Variants in ABCB1 observed in about 807,000 individuals in gnomAD.
ABCB1 encodes ATP-dependent translocase ABCB1.
ABCB1 carries 69 observed loss-of-function variants against 142.0 expected under a neutral mutation model. The ratio of observed to expected loss-of-function variants is 0.49; its 90% confidence interval spans 0.40 to 0.59. The LOEUF is 0.59. Ranked by LOEUF, ABCB1 falls within the 20% of genes least tolerant of loss-of-function variation. ABCB1 has a pLI of 0.00. For missense variants in ABCB1, 1,326 were observed against 1,554.7 expected (o/e 0.85, Z 2.47); for synonymous variants, 532 against 539.2 (o/e 0.99, Z 0.18).
chr7:87,609,127 T>G (rs1045663523), intron 1 of ABCB1, among the ~76,000 whole-genome samples: 1 of 152,158 alleles, frequency 6.6e-6, no homozygotes, highest in African/African-American at 2.4e-5. Context: ...GAGTAAAGTA[T>G]TACGGTGAAA....
chr7:87,534,387 A>G (rs1207500637), intron 20 of ABCB1, among the ~76,000 whole-genome samples: 2 of 152,182 alleles, frequency 1.3e-5, no homozygotes, highest in African/African-American at 4.8e-5. Flanking sequence ...TATTCCTCCT[A>G]CAGAGTAGGA....
intron 26 of ABCB1, among the ~76,000 whole-genome samples, chr7:87,506,872 T>C (rs987939031): frequency 6.6e-6 from 1 of 152,192 alleles, no homozygotes; most frequent in Non-Finnish European, 1.5e-5. Flanking sequence ...GGTTTCCCCC[T>C]GTAAATAGAG....
intron 1 of ABCB1, among the ~76,000 whole-genome samples, chr7:87,663,352 C>A (rs1020598480): frequency 6.6e-6 from 1 of 152,018 alleles, no homozygotes; most frequent in Non-Finnish European, 1.5e-5. Context: ...CTAACCATCT[C>A]GTTGTCCAGT....
chr7:87,671,424 G>C (rs1372057870), intron 1 of ABCB1, among the ~76,000 whole-genome samples: 1 of 152,156 alleles, frequency 6.6e-6, no homozygotes, highest in Non-Finnish European at 1.5e-5. Flanking sequence ...TGGAAGACCT[G>C]TCTGGTGAGG....
chr7:87,665,954 A>G (rs1220372117), intron 1 of ABCB1, among the ~76,000 whole-genome samples: 2 of 151,990 alleles, frequency 1.3e-5, no homozygotes, highest in African/African-American at 2.4e-5. Context: ...ATACGTGTAC[A>G]TGTGTCTTTA....
At chr7:87,506,177 A>T in intron 26 of ABCB1, 134 bp from the exon 27 acceptor site, 2 of 887,208 alleles carry the variant, frequency 2.3e-6, no homozygotes, top group Non-Finnish European at 3.5e-6. Flanking sequence ...GTTCATGAAT[A>T]ATTAAGGAAA....
At chr7:87,651,777 TAA>T (rs1314075806) in intron 1 of ABCB1, among the ~76,000 whole-genome samples, 3 of 152,118 alleles carry the variant, frequency 2.0e-5, no homozygotes, top group Non-Finnish European at 4.4e-5. Flanking sequence ...GGTTTTAATA[TAA>T]GTGTTTAAAT....
In ABCB1 at chr7:87,550,049, A is replaced by G; in HGVS notation, c.1356T>C (p.Ser452=). Residue 452 remains serine, a synonymous_variant, in exon 13 of 28, where the codon AGT becomes AGC. Transcript: ENST00000622132. ...RLYDPTEGMV[S]VDGQDIRTIN... Reference sequence around the variant, plus strand: ...TGGTCCTAATATCCTGTCCATCAACACTGACCTGGAATAAAAAGTAAGTGT... The same window carrying G: ...TGGTCCTAATATCCTGTCCATCAACGCTGACCTGGAATAAAAAGTAAGTGT... 6.2e-7 allele frequency: 1 copy of G among 1,614,172 alleles called. No homozygotes were observed. The highest frequency in any genetic ancestry group is 8.5e-7 in the Non-Finnish European group (1 of 1,180,034).
chr7:87,534,977 T>C (rs1039124781), intron 20 of ABCB1, among the ~76,000 whole-genome samples: 1 of 150,902 alleles, frequency 6.6e-6, no homozygotes, highest in South Asian at 2.1e-4. Context: ...TAAAAGAATT[T>C]GGAGTCATCT....
intron 1 of ABCB1, among the ~76,000 whole-genome samples, chr7:87,653,339 C>T (rs1823766242): frequency 6.6e-6 from 1 of 152,052 alleles, no homozygotes; most frequent in South Asian, 2.1e-4. Context: ...TTTGTTGAAG[C>T]CAGGTTGGAG....
chr7:87,630,485 T>G (rs1040705650), intron 1 of ABCB1, among the ~76,000 whole-genome samples: 2 of 152,152 alleles, frequency 1.3e-5, no homozygotes, highest in Non-Finnish European at 2.9e-5. Flanking sequence ...AAAATATAGG[T>G]AAATATCTTT....
chr7:87,669,957 T>C (rs1825666408), intron 1 of ABCB1, among the ~76,000 whole-genome samples: 1 of 152,192 alleles, frequency 6.6e-6, no homozygotes, highest in Non-Finnish European at 1.5e-5. Context: ...TTGGGGGTGA[T>C]CTTCTTGTAT....
intron 1 of ABCB1, chr7:87,710,750 C>T (rs1008298205): frequency 3.2e-5 from 20 of 626,152 alleles, no homozygotes; most frequent in Non-Finnish European, 5.1e-5. Context: ...TTCTAAAATC[C>T]TCAACTGTTT....
At chr7:87,663,321 A>T (rs755430059) in intron 1 of ABCB1, among the ~76,000 whole-genome samples, 9 of 151,896 alleles carry the variant, frequency 5.9e-5, no homozygotes, top group Admixed American at 3.3e-4. Context: ...CCTTGTGTTT[A>T]TTACCCATTG....
intron 1 of ABCB1, among the ~76,000 whole-genome samples, chr7:87,708,068 G>A (rs1368702016): frequency 6.6e-6 from 1 of 151,624 alleles, no homozygotes; most frequent in Non-Finnish European, 1.5e-5. Flanking sequence ...AATAGAGGCT[G>A]GAAATTGGTT....
At chr7:87,591,866 T>C (rs1409832746) in intron 3 of ABCB1, among the ~76,000 whole-genome samples, 1 of 152,108 alleles carries the variant, frequency 6.6e-6, no homozygotes, top group Non-Finnish European at 1.5e-5. Context: ...CTGACTCCTG[T>C]GATAAGGGGT....
intron 20 of ABCB1, chr7:87,531,757 C>A: frequency 2.3e-6 from 1 of 437,560 alleles, no homozygotes; most frequent in South Asian, 2.6e-5. Context: ...ACCAAGAAAA[C>A]CTTCATTAAT....
intron 1 of ABCB1, among the ~76,000 whole-genome samples, chr7:87,654,527 C>T (rs1823892737): frequency 6.6e-6 from 1 of 151,982 alleles, no homozygotes. Flanking sequence ...TGGTTAGCCA[C>T]ATGTAGAAGA....
chr7:87,689,278 T>C (rs1827785534), intron 1 of ABCB1, among the ~76,000 whole-genome samples: 1 of 152,128 alleles, frequency 6.6e-6, no homozygotes, highest in South Asian at 2.1e-4. Context: ...TCTCTGATGG[T>C]AATTCATGTT....
Sources: allele counts gnomAD v4.1 joint callset (sites outside exome capture counted in the v4.1 genomes callset), GRCh38; gene constraint gnomAD v4.1.1; transcripts MANE v1.5; gene names NCBI Gene and HGNC (gene_info 2026-07-23, HGNC 2026-07-21).